The following TIA1 variants were observed in gnomAD, a reference collection of about 807,000 sequenced individuals.
TIA1 encodes TIA1 cytotoxic granule associated RNA binding protein.
TIA1 carries 23 observed loss-of-function variants against 65.9 expected under a neutral mutation model. The observed-to-expected ratio is 0.35, with a 90% CI of 0.25 to 0.49. TIA1 has a LOEUF of 0.49. Among genes scored for constraint, TIA1 ranks in the 20% least tolerant of loss-of-function variants. TIA1 has a pLI of 0.98. For synonymous variants in TIA1, 147 were observed against 149.4 expected, an observed-to-expected ratio of 0.98 and a Z score of 0.12; for missense variants, 371 against 477.9, an observed-to-expected ratio of 0.78 and a Z score of 2.09.
intron 2 of TIA1, among the ~76,000 whole-genome samples, chr2:70,231,732 CT>C (rs1343714994): frequency 6.6e-6 from 1 of 152,194 alleles, no homozygotes; most frequent in Non-Finnish European, 1.5e-5. Context: ...TTGCTCCTTG[CT>C]GCTACTAGCT....
chr2:70,242,493 T>C (rs1220132484), intron 1 of TIA1, among the ~76,000 whole-genome samples: 1 of 5,454 alleles, frequency 1.8e-4, no homozygotes, highest in Non-Finnish European at 3.0e-4. Flanking sequence ...AGACTCAGTC[T>C]CAAAAAAAAA....
chr2:70,228,559 T>A (rs1684755259), intron 5 of TIA1: 1 of 1,100,714 alleles, frequency 9.1e-7, no homozygotes, highest in Non-Finnish European at 1.1e-6. Context: ...TCTGAAGTTT[T>A]TAAAAAAGAC....
chr2:70,225,127 C>T (rs897032716), intron 6 of TIA1: 3 of 1,022,416 alleles, frequency 2.9e-6, no homozygotes, highest in Non-Finnish European at 1.2e-6. Flanking sequence ...TTATACCCCC[C>T]TTTTTGTCTA....
chr2:70,234,248 T>C (rs948309668), intron 2 of TIA1, among the ~76,000 whole-genome samples: 1 of 152,218 alleles, frequency 6.6e-6, no homozygotes, highest in Non-Finnish European at 1.5e-5. Flanking sequence ...TGAGCATTTA[T>C]GACAATGTAT....
intron 1 of TIA1, among the ~76,000 whole-genome samples, chr2:70,245,308 G>T (rs1693804459): frequency 6.6e-6 from 1 of 152,136 alleles, no homozygotes; most frequent in Non-Finnish European, 1.5e-5. Flanking sequence ...TTTAAAGATG[G>T]TCTATAATTT....
chr2:70,218,635 G>C (rs567268302), intron 7 of TIA1, among the ~76,000 whole-genome samples: 1 of 152,042 alleles, frequency 6.6e-6, no homozygotes, highest in South Asian at 2.1e-4. Flanking sequence ...GGGTTTCACC[G>C]TGTTAGACAG....
At chr2:70,230,643 AT>A in intron 3 of TIA1, 112 bp downstream of exon 3, 1 of 779,306 alleles carries the variant, frequency 1.3e-6, no homozygotes, top group Non-Finnish European at 1.9e-6. Flanking sequence ...CAAGGGCAAA[AT>A]TTCATCTCAA....
At position 70,216,281 on chromosome 2, in the gene TIA1, G is replaced by T. The variant is rs752346516; in HGVS notation, c.691C>A (p.Arg231Ser). 48 of 1,591,054 alleles carry T rather than the reference G, an allele frequency of 3.0e-5. 1 individual carries two copies. The highest frequency in any genetic ancestry group is 2.6e-6 in the Non-Finnish European group (3 of 1,173,554). ...TGTCCAAATGGTGAAAAAGTCTGAC[G>T]CATTAGTTGTTCTGTTAGACAAAAA... ...VTSGLTEQLM[R>S]QTFSPFGQIM... The change falls in exon 10 of 13, where the codon CGT becomes AGT. Residue 231 changes from arginine (R) to serine (S), a missense_variant. Arg to Ser is a moderately radical substitution (Grantham distance 110). Coordinates refer to ENST00000433529, the MANE Select transcript of TIA1 (RefSeq NM_022173.4).
At chr2:70,245,061 C>T (rs1329340846) in intron 1 of TIA1, among the ~76,000 whole-genome samples, 1 of 152,116 alleles carries the variant, frequency 6.6e-6, no homozygotes, top group Non-Finnish European at 1.5e-5. Flanking sequence ...TCTCGGCTCA[C>T]TGCAACCTCC....
intron 7 of TIA1, among the ~76,000 whole-genome samples, chr2:70,220,039 G>A (rs945511559): frequency 6.6e-6 from 1 of 152,128 alleles, no homozygotes; most frequent in South Asian, 2.1e-4. Flanking sequence ...TGGAAACAGG[G>A]TCTTTGCCGA....
chr2:70,236,351 G>C (rs371607519), intron 1 of TIA1, among the ~76,000 whole-genome samples, 176 bp from the exon 2 acceptor site: 37 of 151,878 alleles, frequency 2.4e-4, no homozygotes, highest in African/African-American at 8.5e-4. Context: ...AGGCATGCGT[G>C]ACCACACCCA....
At chr2:70,229,363 C>T in intron 3 of TIA1, 45 bp from the exon 4 acceptor site, 1 of 1,503,244 alleles carries the variant, frequency 6.7e-7, no homozygotes, top group African/African-American at 1.4e-5. Flanking sequence ...AAAAATAAAG[C>T]CCAAAATCAC....
At chr2:70,213,657 C>CT (rs199690023) in intron 12 of TIA1, among the ~76,000 whole-genome samples, 116 of 140,598 alleles carry the variant, frequency 8.3e-4, no homozygotes, top group Middle Eastern at 3.9e-3. Flanking sequence ...CCACAAAATC[C>CT]TTTTTTTTTT....
At chr2:70,218,913 G>A (rs1056019662) in intron 7 of TIA1, among the ~76,000 whole-genome samples, 1 of 152,336 alleles carries the variant, frequency 6.6e-6, no homozygotes, top group South Asian at 2.1e-4. Context: ...GGCTGGAGGG[G>A]ACACCACAAG....
intron 3 of TIA1, among the ~76,000 whole-genome samples, chr2:70,229,661 T>C (rs941936992): frequency 5.9e-5 from 9 of 152,250 alleles, no homozygotes; most frequent in Middle Eastern, 3.4e-3. Context: ...AATACTAACA[T>C]AGGCTGCTGG....
chr2:70,214,645 A>G, intron 11 of TIA1, 151 bp from the exon 12 acceptor site: 1 of 589,798 alleles, frequency 1.7e-6, no homozygotes, highest in East Asian at 3.1e-5. Context: ...AAAAAAAAAA[A>G]AAAAAAAAAA....
Position 70,216,874 on chromosome 2 carries a change from C to T in TIA1, c.583+12G>A. 6.2e-7 allele frequency: 1 copy of T among 1,613,952 alleles called. No individual in the cohort carries two copies. ...AAATTCCACATTTCCTTTTCTTCTC[C>T]AATACACCTACACTCATATGTACTC... On this transcript the variant is annotated intron_variant, in intron 8 of 12. Transcript: ENST00000433529.
At chr2:70,227,152 G>T (rs764987301) in intron 6 of TIA1, among the ~76,000 whole-genome samples, 2 of 152,104 alleles carry the variant, frequency 1.3e-5, no homozygotes, top group Non-Finnish European at 2.9e-5. Context: ...CTTCTATGAT[G>T]AATGCTATCT....
rs374792026 is a variant in TIA1 at position 70,236,189 on chromosome 2, A to C, written c.27-14T>G. 1.9e-4 allele frequency: 294 copies of C among 1,534,564 alleles called. No homozygotes were observed. The highest frequency in any genetic ancestry group is 2.4e-4 in the Non-Finnish European group (270 of 1,118,182). On this transcript the variant is annotated splice_polypyrimidine_tract_variant and intron_variant, in intron 1 of 12. Coordinates refer to ENST00000433529, the MANE Select transcript of TIA1 (RefSeq NM_022173.4). ...TTACCGACGTATCTGAAACACAAAG[A>C]GAAACAATTTACCTTTTTTTTTTTT...
Sources: allele counts gnomAD v4.1 joint callset (sites outside exome capture counted in the v4.1 genomes callset), GRCh38; gene constraint gnomAD v4.1.1; transcripts MANE v1.5; gene names NCBI Gene and HGNC (gene_info 2026-07-23, HGNC 2026-07-21).